The following ATAD3B variants were observed in gnomAD, a reference collection of about 807,000 sequenced individuals.
ATAD3B encodes ATPase family AAA domain containing 3B.
ATAD3B carries 59 observed loss-of-function variants against 70.2 expected under a neutral mutation model. The ratio of observed to expected loss-of-function variants is 0.84; its 90% CI spans 0.68 to 1.04. The LOEUF (loss-of-function observed/expected upper bound fraction) is 1.04. Among genes scored for constraint, ATAD3B ranks in the 50% least tolerant of loss-of-function variants. The pLI, the probability that ATAD3B is intolerant of heterozygous loss-of-function variation, is 0.00. For synonymous variants in ATAD3B, 423 were observed against 388.6 expected, an observed-to-expected ratio of 1.09 and a Z score of -1.04; for missense variants, 961 against 913.4, an observed-to-expected ratio of 1.05 and a Z score of -0.67.
At chr1:1,490,891 C>A (rs1185654851) in intron 15 of ATAD3B, among the ~76,000 whole-genome samples, 2 of 152,054 alleles carry the variant, frequency 1.3e-5, no homozygotes, top group African/African-American at 2.4e-5. Flanking sequence ...ATGTTGGTTG[C>A]TGACAGTCAC....
rs541846188 is a variant in ATAD3B at position 1,489,567 on chromosome 1, A to G, written c.1337+293A>G. ...AGATTTCTGCGGTCCTGTGCCTGCA[A>G]GGGAGGTGGTCTGATTGCTGCCGCC... On this transcript the variant is annotated intron_variant, in intron 13 of 15. Transcript: ENST00000673477. 4.7e-6 allele frequency: 5 copies of G among 1,053,564 alleles called. No individual in the cohort carries two copies. The African/African-American group carries it at 5.1e-5, about 11-fold the overall frequency. 65.3% of individuals were successfully genotyped at this position (1,053,564 alleles called of 1,614,324 possible). A position where few individuals can be genotyped will look rare whatever the true frequency, so the allele number is the denominator to read the frequency against.
At chr1:1,473,450 C>T (rs1246291317) in intron 1 of ATAD3B, among the ~76,000 whole-genome samples, 4 of 151,212 alleles carry the variant, frequency 2.6e-5, no homozygotes, top group Non-Finnish European at 4.4e-5. Flanking sequence ...GTGGTCCACC[C>T]GCCTCGGCCT....
At chr1:1,502,540 C>A (rs1640968268), downstream of ATAD3B, among the ~76,000 whole-genome samples, 1 of 104,956 alleles carries the variant, frequency 9.5e-6, no homozygotes, top group Non-Finnish European at 1.8e-5. Flanking sequence ...GAGACAGAGT[C>A]ATGCTCTGTC....
chr1:1,490,522 TCC>T, intron 14 of ATAD3B, 39 bp from the exon 15 acceptor site: 1 of 1,610,314 alleles, frequency 6.2e-7, no homozygotes, highest in Non-Finnish European at 8.5e-7. Context: ...TGGTGTGGGG[TCC>T]GCGGCCTTGG....
At chr1:1,473,134 CTTTTTTTTTTTTT>C (rs569834397) in intron 1 of ATAD3B, among the ~76,000 whole-genome samples, 1 of 84,374 alleles carries the variant, frequency 1.2e-5, no homozygotes, top group African/African-American at 6.0e-5. Context: ...GAAGGGATTC[CTTTTTTTTTTTTT>C]TTTTTTTTTT....
At position 1,497,649 on chromosome 1, in the gene ATAD3B, G is replaced by A. The variant is rs938869736; in HGVS notation, c.*1832G>A. ...TGGGAGGCCAAGGCGGGTGAATCAT[G>A]AGGTCAGGAGTTTGAGACCATCCTG... On this transcript the variant is annotated 3_prime_UTR_variant, in exon 16 of 16. Coordinates refer to ENST00000673477, the MANE Select transcript of ATAD3B (RefSeq NM_031921.6). The A allele has an allele frequency of 4.6e-5, 7 of 151,568 alleles. No individual in the cohort carries two copies. Among genetic ancestry groups the A allele is most frequent in the South Asian group, 4.2e-4 (2 of 4,798 alleles). The allele number at this position is 151,568 out of a possible 1,614,324, so 9.4% of individuals were successfully genotyped here.
intron 2 of ATAD3B, 160 bp from the exon 3 acceptor site, chr1:1,478,484 C>T: frequency 1.3e-6 from 2 of 1,548,406 alleles, no homozygotes; most frequent in Non-Finnish European, 1.7e-6. Flanking sequence ...CCTCCAGGGC[C>T]TGATCCTGGG....
chr1:1,483,011 T>C (rs1474423282), intron 7 of ATAD3B: 1 of 458,080 alleles, frequency 2.2e-6, no homozygotes, highest in South Asian at 1.6e-5. Flanking sequence ...AAGAAAAAAA[T>C]GGCCAGGCGG....
the ATAD3B span, among the ~76,000 whole-genome samples, chr1:1,502,985 G>T: frequency 6.6e-6 from 1 of 151,146 alleles, no homozygotes; most frequent in African/African-American, 2.4e-5. Flanking sequence ...AGCACTTTGG[G>T]AGGCCGAGGC....
chr1:1,509,118 G>T, the ATAD3B span: 1 of 1,502,342 alleles, frequency 6.7e-7, no homozygotes, highest in South Asian at 1.3e-5. Flanking sequence ...CCCCTGGTTT[G>T]GTCCCTCCCC....
chr1:1,483,127 TAAAAAAAAG>T, intron 7 of ATAD3B: 1 of 398,904 alleles, frequency 2.5e-6, no homozygotes, highest in Non-Finnish European at 5.0e-6. Flanking sequence ...CTGTCTCTAC[TAAAAAAAAG>T]AAAAAAAAAG....
chr1:1,504,928 TTGTGTG>T, the ATAD3B span, among the ~76,000 whole-genome samples: 731 of 149,500 alleles, frequency 4.9e-3, 5 homozygotes, highest in African/African-American at 0.016. Context: ...CTTCAACAGT[TTGTGTG>T]TGTGTGTGTG....
intron 5 of ATAD3B, 149 bp downstream of exon 5, chr1:1,481,085 C>T (rs1149270): frequency 1.4e-6 from 2 of 1,424,392 alleles, no homozygotes. Context: ...GGGTGGGGCT[C>T]CCTCTCGGAA....
At chr1:1,474,383 G>A (rs1639488198) in intron 1 of ATAD3B, among the ~76,000 whole-genome samples, 1 of 150,898 alleles carries the variant, frequency 6.6e-6, no homozygotes. Flanking sequence ...TTAGAGACCG[G>A]TTTTCACCAT....
intron 1 of ATAD3B, among the ~76,000 whole-genome samples, chr1:1,475,911 C>G (rs1031351657): frequency 2.7e-5 from 4 of 150,428 alleles, no homozygotes; most frequent in Admixed American, 6.6e-5. Flanking sequence ...CTTAATCCAG[C>G]CAAAGGTCCC....
In ATAD3B at chr1:1,495,870, G is replaced by T. The variant is rs1430971435; in HGVS notation, c.*53G>T. On this transcript the variant is annotated 3_prime_UTR_variant, in exon 16 of 16. Transcript: ENST00000673477. Reference sequence around the variant, plus strand: ...TTCCTGCCCCTCGAGACACTCTTGGGAGATGCATTTTCCGTCTGGCTCACA... The same window carrying T: ...TTCCTGCCCCTCGAGACACTCTTGGTAGATGCATTTTCCGTCTGGCTCACA... 3.3e-6 allele frequency: 5 copies of T among 1,496,472 alleles called. No homozygotes were observed. The South Asian group carries it at 5.4e-5, about 16-fold the overall frequency. The allele number at this position is 1,496,472 out of a possible 1,614,324, so 92.7% of individuals were successfully genotyped here. A position where few individuals can be genotyped will look rare whatever the true frequency, so the allele number is the denominator to read the frequency against.
At chr1:1,508,287 T>G in the ATAD3B span, among the ~76,000 whole-genome samples, 1 of 151,386 alleles carries the variant, frequency 6.6e-6, no homozygotes, top group African/African-American at 2.5e-5. Flanking sequence ...ACAGTGGCTC[T>G]TGGCGAGGGA....
At chr1:1,499,002 CAT>C (rs1446960490), downstream of ATAD3B, among the ~76,000 whole-genome samples, 4 of 149,606 alleles carry the variant, frequency 2.7e-5, no homozygotes, top group South Asian at 2.1e-4. Flanking sequence ...GACAGAGTCT[CAT>C]GCTGTCGCCT....
At chr1:1,489,620 C>G in intron 13 of ATAD3B, 1 of 1,313,740 alleles carries the variant, frequency 7.6e-7, no homozygotes. Context: ...GTGACCGGCC[C>G]TATGTCCAGG....
Sources: gnomAD v4.1 joint callset for allele counts (sites outside exome capture counted in the v4.1 genomes callset) on GRCh38, gnomAD v4.1.1 for gene constraint, MANE v1.5 for transcripts, NCBI Gene and HGNC (gene_info 2026-07-23, HGNC 2026-07-21) for gene names.